The following KCNK12 variants were observed in gnomAD, a reference collection of about 807,000 sequenced individuals.
The protein encoded by KCNK12 is potassium two pore domain channel subfamily K member 12.
In KCNK12, 6 loss-of-function variants were observed where a neutral mutation model predicts 25.3. The ratio of observed to expected loss-of-function variants is 0.24; its 90% CI spans 0.13 to 0.47. The LOEUF is 0.47. Ranked by LOEUF, KCNK12 falls within the 20% of genes least tolerant of loss-of-function variation. The pLI is 0.99. For missense variants in KCNK12, 444 were observed against 661.7 expected (o/e 0.67, Z 3.61); for synonymous variants, 331 against 311.1 (o/e 1.06, Z -0.67).
chr2:47,522,250 T>G (rs1394994137), intron 1 of KCNK12, among the ~76,000 whole-genome samples: 1 of 152,204 alleles, frequency 6.6e-6, no homozygotes, highest in Non-Finnish European at 1.5e-5. Context: ...AATATACTAG[T>G]CTAGGTGAGT....
chr2:47,514,204 G>A lies in KCNK12; in HGVS notation c.*6703C>T, dbSNP rs1668470332. 6.6e-6 allele frequency among the ~76,000 whole-genome samples: 1 copy of A among 152,194 alleles called. No individual in the cohort carries two copies. On this transcript the variant is annotated 3_prime_UTR_variant, in exon 2 of 2. Coordinates refer to ENST00000327876, the MANE Select transcript of KCNK12 (RefSeq NM_022055.2). The surrounding 1 kb of genome is among the most constrained non-coding windows in gnomAD (Gnocchi z 5.0). ...TTGTCAGCAGGCTTGCTGCTCTCAG[G>A]CTCAGCATGGACAGCTGCTTCTGAG...
At chr2:47,564,430 C>A (rs151152604) in intron 1 of KCNK12, 13 of 224,646 alleles carry the variant, frequency 5.8e-5, no homozygotes, top group African/African-American at 2.9e-4. Flanking sequence ...TAGCCCCAAA[C>A]TGGGAAACAC....
At chr2:47,554,282 A>T (rs1410357924) in intron 1 of KCNK12, among the ~76,000 whole-genome samples, 1 of 152,240 alleles carries the variant, frequency 6.6e-6, no homozygotes, top group African/African-American at 2.4e-5. Flanking sequence ...TTATTTGCTC[A>T]TGAACAGGAT....
intron 1 of KCNK12, among the ~76,000 whole-genome samples, chr2:47,539,468 G>GCC (rs1669146479): frequency 6.6e-6 from 1 of 152,004 alleles, no homozygotes; most frequent in Non-Finnish European, 1.5e-5. Flanking sequence ...GATCAAACAG[G>GCC]TGGGGTGGCC....
chr2:47,533,024 T>C lies in KCNK12; in HGVS notation c.392-11216A>G, dbSNP rs1207790157. Among the ~76,000 whole-genome samples the C allele has an allele frequency of 6.6e-6, 1 of 152,126 alleles. No homozygotes were observed. Among genetic ancestry groups the C allele is most frequent in the Non-Finnish European group, 1.5e-5 (1 of 68,022 alleles). On this transcript the variant is annotated intron_variant, in intron 1 of 1. Transcript: ENST00000327876. This position sits in a 1 kb window ranked among gnomAD's most constrained non-coding sequence, Gnocchi z 4.7. ...GCCCTACTTATTTATTTATTTTTTA[T>C]TTTTTTGAGACAGGCTCACTCTGTC...
chr2:47,537,273 C>T (rs974505229), intron 1 of KCNK12, among the ~76,000 whole-genome samples: 1 of 152,286 alleles, frequency 6.6e-6, no homozygotes, highest in African/African-American at 2.4e-5. Flanking sequence ...TGTGTGCACA[C>T]ACGCGTACTT....
In KCNK12 at chr2:47,570,305, C is replaced by A. The variant is rs559766291; in HGVS notation, c.27G>T (p.Pro9=). 2.3e-4 allele frequency: 315 copies of A among 1,340,624 alleles called. No individual in the cohort carries two copies. The African/African-American group carries it at 4.3e-3, about 18-fold the overall frequency. The allele number at this position is 1,340,624 out of a possible 1,614,324, so 83.0% of individuals were successfully genotyped here. The change falls in exon 1 of 2, where the codon CCG becomes CCT. Residue 9 remains proline (P), a synonymous_variant. Coordinates refer to ENST00000327876, the MANE Select transcript of KCNK12 (RefSeq NM_022055.2). The part of the protein sequence containing the change: MSSRSPRP[P]PRRSRRRLPR... Reference sequence around the variant, plus strand: ...GCAGGCGGCGGCGGCTACGGCGGGGCGGGGGCCGGGGGCTGCGGGAGGACA... The same window carrying A: ...GCAGGCGGCGGCGGCTACGGCGGGGAGGGGGCCGGGGGCTGCGGGAGGACA...
chr2:47,539,862 A>C lies in KCNK12; in HGVS notation c.392-18054T>G, dbSNP rs188117228. Among the ~76,000 whole-genome samples, 51 of 152,344 alleles carry C rather than the reference A, an allele frequency of 3.3e-4. No homozygotes were observed. The East Asian group carries it at 9.6e-3, about 29-fold the overall frequency. On this transcript the variant is annotated intron_variant, in intron 1 of 1. Coordinates refer to ENST00000327876, the MANE Select transcript of KCNK12 (RefSeq NM_022055.2). ...AGGACCATCCACAGCTGAAGTGCTC[A>C]GACACTGCGTTTTCTTTATCTCAGA... is the stretch of plus-strand genomic sequence containing the variant.
At chr2:47,526,590 G>A (rs1449695680) in intron 1 of KCNK12, among the ~76,000 whole-genome samples, 4 of 151,472 alleles carry the variant, frequency 2.6e-5, no homozygotes, top group Middle Eastern at 3.4e-3. Flanking sequence ...AAAATTAGCC[G>A]GGCATAGTGG....
chr2:47,523,198 C>T (rs1668698679), intron 1 of KCNK12, among the ~76,000 whole-genome samples: 2 of 152,200 alleles, frequency 1.3e-5, no homozygotes, highest in Admixed American at 1.3e-4. Flanking sequence ...GGATTGTTCA[C>T]TCTGGGACCA....
In KCNK12 at chr2:47,565,984, C is replaced by T. The variant is rs983609625; in HGVS notation, c.391+3957G>A. The T allele has an allele frequency of 6.6e-6, 1 of 152,144 alleles. No homozygotes were observed. The highest frequency in any genetic ancestry group is 1.5e-5 in the Non-Finnish European group (1 of 68,030). The allele number at this position is 152,144 out of a possible 1,614,324, so 9.4% of individuals were successfully genotyped here. On this transcript the variant is annotated intron_variant, in intron 1 of 1. Coordinates refer to ENST00000327876, the MANE Select transcript of KCNK12 (RefSeq NM_022055.2). The surrounding 1 kb of genome is among the most constrained non-coding windows in gnomAD (Gnocchi z 5.0). Reference sequence around the variant, plus strand: ...CACATTAAAACAAACTTGATTTCAACCCCCAGGGAATATGTCACATAGCAT... The same window carrying T: ...CACATTAAAACAAACTTGATTTCAATCCCCAGGGAATATGTCACATAGCAT...
At chr2:47,534,432 G>GCCCCCCCCCCC (rs11406660) in intron 1 of KCNK12, among the ~76,000 whole-genome samples, 5 of 117,314 alleles carry the variant, frequency 4.3e-5, no homozygotes, top group African/African-American at 1.4e-4. Flanking sequence ...CCGTCTCCAG[G>GCCCCCCCCCCC]CCCCCCCCAC....
At chr2:47,523,855 G>A (rs1668712892) in intron 1 of KCNK12, among the ~76,000 whole-genome samples, 1 of 152,260 alleles carries the variant, frequency 6.6e-6, no homozygotes, top group Non-Finnish European at 1.5e-5. Flanking sequence ...AGGGCTACCT[G>A]TGCTCTGCCA....
intron 1 of KCNK12, 122 bp from the exon 2 acceptor site, chr2:47,521,930 C>G (rs1324122439): frequency 2.6e-6 from 2 of 773,396 alleles, no homozygotes; most frequent in Admixed American, 3.5e-5. Flanking sequence ...TCGAGTGGCA[C>G]CACTCAGGTG....
At position 47,533,788 on chromosome 2, in the gene KCNK12, T is replaced by C. The variant is rs1668990122; in HGVS notation, c.392-11980A>G. Reference sequence around the variant, plus strand: ...GGCTGCTCTATTTGTTGGCGCTTGCTGGTTTGTCTGATTTGCAGAGCTGGA... The same window carrying C: ...GGCTGCTCTATTTGTTGGCGCTTGCCGGTTTGTCTGATTTGCAGAGCTGGA... On this transcript the variant is annotated intron_variant, in intron 1 of 1. Transcript: ENST00000327876. This position sits in a 1 kb window ranked among gnomAD's most constrained non-coding sequence, Gnocchi z 4.7. 6.6e-6 allele frequency among the ~76,000 whole-genome samples: 1 copy of C among 152,176 alleles called. No individual in the cohort carries two copies. The highest frequency in any genetic ancestry group is 6.5e-5 in the Admixed American group (1 of 15,274).
chr2:47,539,333 T>C (rs1019735235), intron 1 of KCNK12, among the ~76,000 whole-genome samples: 7 of 152,228 alleles, frequency 4.6e-5, no homozygotes, highest in African/African-American at 1.4e-4. Flanking sequence ...ATAGTGTTTA[T>C]ATGCTCTCAA....
At chr2:47,535,737 G>T (rs1016790481) in intron 1 of KCNK12, among the ~76,000 whole-genome samples, 2 of 152,148 alleles carry the variant, frequency 1.3e-5, no homozygotes, top group African/African-American at 4.8e-5. Context: ...ACCTCTTGAG[G>T]CCTGACTCAG....
intron 1 of KCNK12, among the ~76,000 whole-genome samples, chr2:47,522,880 G>A (rs1234777014): frequency 6.6e-6 from 1 of 152,068 alleles, no homozygotes; most frequent in Non-Finnish European, 1.5e-5. Context: ...TTAAAGAGTT[G>A]TCATATGTGC....
rs1453420755 is a variant in KCNK12 at position 47,540,196 on chromosome 2, G to A, written c.392-18388C>T. On this transcript the variant is annotated intron_variant, in intron 1 of 1. Coordinates refer to ENST00000327876, the MANE Select transcript of KCNK12 (RefSeq NM_022055.2). The surrounding 1 kb of genome is among the most constrained non-coding windows in gnomAD (Gnocchi z 5.4). ...GGAGCAGGGAAGAGAAGGCCTCACC[G>A]GGCAGACCTATCTTGGAGAAGATAC... 3.3e-5 allele frequency among the ~76,000 whole-genome samples: 5 copies of A among 152,178 alleles called. No individual in the cohort carries two copies. The highest frequency in any genetic ancestry group is 7.3e-5 in the Non-Finnish European group (5 of 68,038).
Sources: allele counts gnomAD v4.1 joint callset (sites outside exome capture counted in the v4.1 genomes callset), GRCh38; gene constraint gnomAD v4.1.1; non-coding constraint Gnocchi (gnomAD v3.1); transcripts MANE v1.5; gene names NCBI Gene and HGNC (gene_info 2026-07-23, HGNC 2026-07-21).